QKI: variants seen among roughly 807,000 people sequenced by gnomAD.
QKI encodes the protein KH domain-containing RNA-binding protein QKI.
Under a neutral mutation model 39.0 loss-of-function variants are expected in QKI, and 10 were observed. The observed-to-expected ratio is 0.26, with a 90% CI of 0.16 to 0.43. QKI has a LOEUF of 0.43. QKI is among the 20% of genes least tolerant of loss of function. The pLI is 1.00. For missense variants in QKI, 218 were observed against 428.0 expected (o/e 0.51, Z 4.33); for synonymous variants, 204 against 155.4 (o/e 1.31, Z -2.33).
chr6:163,493,400 AT>A (rs1778191836), intron 3 of QKI, among the ~76,000 whole-genome samples: 1 of 152,202 alleles, frequency 6.6e-6, no homozygotes, highest in Admixed American at 6.5e-5. Flanking sequence ...AAGTGCTGGA[AT>A]TACAGGCATG....
At chr6:163,420,515 G>C (rs1363579485) in intron 1 of QKI, among the ~76,000 whole-genome samples, 1 of 152,058 alleles carries the variant, frequency 6.6e-6, no homozygotes, top group Non-Finnish European at 1.5e-5. Flanking sequence ...AAGGGATGGG[G>C]AGTGGTGAGT....
intron 3 of QKI, among the ~76,000 whole-genome samples, chr6:163,499,222 A>G (rs721191): frequency 0.79 from 119,608 of 152,070 alleles, 47,221 homozygotes; most frequent in East Asian, 1. Context: ...AGTATTAAAA[A>G]TAATTCAGGA....
intron 1 of QKI, among the ~76,000 whole-genome samples, chr6:163,434,559 C>CA (rs1288611534): frequency 1.3e-5 from 2 of 151,640 alleles, no homozygotes; most frequent in African/African-American, 4.8e-5. Flanking sequence ...ACTAAAAATA[C>CA]AAAAAATTAG....
intron 3 of QKI, among the ~76,000 whole-genome samples, chr6:163,494,452 T>G (rs771529052): frequency 2.6e-5 from 4 of 152,214 alleles, no homozygotes; most frequent in African/African-American, 9.7e-5. Context: ...CTGAAACTTA[T>G]GTGTAACCCT....
At chr6:163,564,445 T>C in intron 6 of QKI, 1 of 1,405,164 alleles carries the variant, frequency 7.1e-7, no homozygotes, top group Non-Finnish European at 9.2e-7. Context: ...GTTGTATTCT[T>C]AAGATTTTTC....
chr6:163,484,400 C>A (rs1036636911), intron 3 of QKI, among the ~76,000 whole-genome samples: 1 of 152,016 alleles, frequency 6.6e-6, no homozygotes, highest in African/African-American at 2.4e-5. Context: ...GCGGTTTTGC[C>A]GTGTTGGCCA....
chr6:163,550,948 C>A (rs1045817290), intron 4 of QKI, among the ~76,000 whole-genome samples: 1,365 of 135,638 alleles, frequency 0.01, no homozygotes, highest in African/African-American at 0.011. Context: ...CTCTGTCTCA[C>A]AAAAAAAAAA....
At chr6:163,557,008 C>T (rs1009865752) in intron 4 of QKI, among the ~76,000 whole-genome samples, 24 of 152,184 alleles carry the variant, frequency 1.6e-4, no homozygotes, top group African/African-American at 5.8e-4. Context: ...TAAATGAAAA[C>T]TTATATTTGC....
At chr6:163,528,616 A>G (rs570882299) in intron 3 of QKI, among the ~76,000 whole-genome samples, 3 of 152,290 alleles carry the variant, frequency 2.0e-5, no homozygotes, top group African/African-American at 7.2e-5. Context: ...CTTAGTTGCC[A>G]TCATCATTTT....
At chr6:163,567,996 G>A in intron 7 of QKI, 1 of 985,580 alleles carries the variant, frequency 1.0e-6, no homozygotes. Context: ...AAAGAACGTT[G>A]AAGACTTTTA....
Position 163,569,272 on chromosome 6 carries a change from C to G in QKI, c.1010-1422C>G, listed in dbSNP as rs1048183465. ...ATTTTTGTAGTATTTATAAACTGTT[C>G]TAAATGATAGACTATAGAAAACATT... On this transcript the variant is annotated intron_variant, in intron 7 of 7. Transcript: ENST00000361752. The G allele has an allele frequency of 4.0e-6, 4 of 1,006,210 alleles. No homozygotes were observed. The Middle Eastern group carries it at 1.2e-3, about 296-fold the overall frequency. The allele number at this position is 1,006,210 out of a possible 1,614,324, so 62.3% of individuals were successfully genotyped here.
chr6:163,564,706 A>G (rs1783247067), intron 6 of QKI: 1 of 1,614,080 alleles, frequency 6.2e-7, no homozygotes, highest in Non-Finnish European at 8.5e-7. Flanking sequence ...ATTTCAGCCC[A>G]TTGACTTGCT....
chr6:163,480,626 TCTC>T (rs1237133353), intron 3 of QKI, among the ~76,000 whole-genome samples: 12 of 152,148 alleles, frequency 7.9e-5, no homozygotes, highest in Non-Finnish European at 1.5e-4. Flanking sequence ...GTCTGTGAGT[TCTC>T]CTTGAGCAAT....
chr6:163,427,826 T>A (rs1282908493), intron 1 of QKI, among the ~76,000 whole-genome samples: 1 of 152,166 alleles, frequency 6.6e-6, no homozygotes, highest in African/African-American at 2.4e-5. Flanking sequence ...TTTAGTGAAT[T>A]CTTCTGAATA....
intron 3 of QKI, among the ~76,000 whole-genome samples, chr6:163,534,010 A>G (rs1781040021): frequency 6.6e-6 from 1 of 152,242 alleles, no homozygotes; most frequent in African/African-American, 2.4e-5. Flanking sequence ...TAAAGGTCCA[A>G]AAACAGCAGA....
At chr6:163,535,350 C>T (rs11964910) in intron 4 of QKI, among the ~76,000 whole-genome samples, 2,945 of 152,144 alleles carry the variant, frequency 0.019, 91 homozygotes, top group African/African-American at 0.066. Flanking sequence ...GGTGACGTCG[C>T]GTAAGAAATT....
chr6:163,488,058 C>T (rs149761523), intron 3 of QKI, among the ~76,000 whole-genome samples: 9 of 152,238 alleles, frequency 5.9e-5, no homozygotes, highest in Admixed American at 1.3e-4. Flanking sequence ...CCCTGCCCCC[C>T]GCCTTTGGGT....
At chr6:163,445,592 G>A (rs1203299731) in intron 1 of QKI, among the ~76,000 whole-genome samples, 1 of 151,710 alleles carries the variant, frequency 6.6e-6, no homozygotes, top group Non-Finnish European at 1.5e-5. Flanking sequence ...CCATCTCAGT[G>A]GATCATGCTG....
intron 1 of QKI, among the ~76,000 whole-genome samples, chr6:163,443,358 C>T (rs1173927749): frequency 6.6e-6 from 1 of 152,228 alleles, no homozygotes; most frequent in Non-Finnish European, 1.5e-5. Context: ...ATTACGAGGT[C>T]AGGAGTTCAA....
Sources: gnomAD v4.1 joint callset for allele counts (sites outside exome capture counted in the v4.1 genomes callset) on GRCh38, gnomAD v4.1.1 for gene constraint, MANE v1.5 for transcripts, NCBI Gene and HGNC (gene_info 2026-07-23, HGNC 2026-07-21) for gene names.